The following WDR17 variants were observed in gnomAD, a reference collection of about 807,000 sequenced individuals.
WDR17 encodes WD repeat domain 17.
A neutral mutation model predicts 161.7 loss-of-function variants in WDR17; 143 were observed. The observed-to-expected ratio is 0.88, with a 90% confidence interval of 0.77 to 1.02. The LOEUF (loss-of-function observed/expected upper bound fraction) is 1.02, where lower values mean the gene tolerates loss of function less well. Among genes scored for constraint, WDR17 ranks in the 50% least tolerant of loss-of-function variants. WDR17 has a pLI of 0.00. For synonymous variants in WDR17, 517 were observed against 515.6 expected (o/e 1.00, Z -0.04); for missense variants, 1,469 against 1,520.9 (o/e 0.97, Z 0.57).
At chr4:176,075,270 AT>A (rs1733816785) in intron 1 of WDR17, among the ~76,000 whole-genome samples, 2 of 152,128 alleles carry the variant, frequency 1.3e-5, no homozygotes, top group East Asian at 3.9e-4. Context: ...GACTGAGTCA[AT>A]TTCTAATATT....
intron 2 of WDR17, among the ~76,000 whole-genome samples, chr4:176,111,973 A>T (rs544807253): frequency 2.2e-4 from 33 of 152,324 alleles, no homozygotes; most frequent in African/African-American, 7.5e-4. Context: ...TCATTATAGT[A>T]AAATTAGGAC....
chr4:176,154,754 T>A (rs1395534892), intron 17 of WDR17, among the ~76,000 whole-genome samples: 4 of 152,216 alleles, frequency 2.6e-5, no homozygotes, highest in African/African-American at 9.6e-5. Flanking sequence ...CGTATTATTT[T>A]CTGGTTAATT....
In WDR17 at chr4:176,140,038, T is replaced by A; in HGVS notation, c.1442+64T>A. The A allele has an allele frequency of 3.0e-6, 4 of 1,342,618 alleles. No individual in the cohort carries two copies. In the South Asian group the frequency reaches 5.3e-5, roughly 18 times the overall value. 83.2% of individuals were successfully genotyped at this position (1,342,618 alleles called of 1,614,324 possible). A position where few individuals can be genotyped will look rare whatever the true frequency, so the allele number is the denominator to read the frequency against. The stretch of plus-strand genomic sequence containing the variant: ...GTTTATAAAGCACTCATTTGATCAT[T>A]CCAACTGTGTATCCATGAGATTTCA... On this transcript the variant is annotated intron_variant, in intron 10 of 28. Coordinates refer to ENST00000508596, the MANE Select transcript of WDR17 (RefSeq NM_181265.4).
intron 4 of WDR17, among the ~76,000 whole-genome samples, chr4:176,124,688 C>T (rs1376706270): frequency 6.6e-6 from 1 of 152,182 alleles, no homozygotes; most frequent in Non-Finnish European, 1.5e-5. Flanking sequence ...GGATCGGAAC[C>T]AGGCAGTCAG....
chr4:176,124,682 C>T (rs1742161891), intron 4 of WDR17, among the ~76,000 whole-genome samples: 1 of 152,176 alleles, frequency 6.6e-6, no homozygotes, highest in Non-Finnish European at 1.5e-5. Flanking sequence ...AGAACAGGAT[C>T]GGAACCAGGC....
chr4:176,124,134 A>G (rs989309403), intron 4 of WDR17, among the ~76,000 whole-genome samples: 5 of 152,236 alleles, frequency 3.3e-5, no homozygotes, highest in South Asian at 2.1e-4. Context: ...TTATCTTTCA[A>G]TTGTGCTTTT....
intron 7 of WDR17, among the ~76,000 whole-genome samples, chr4:176,133,580 A>G (rs1161087714): frequency 6.6e-6 from 1 of 151,448 alleles, no homozygotes; most frequent in Non-Finnish European, 1.5e-5. Context: ...TTCTCACTTT[A>G]AAATGTCTGC....
rs201211139 is a variant in WDR17, at chr4:176,120,045, G to A, written c.486G>A (p.Lys162=). 4.1e-4 allele frequency: 662 copies of A among 1,613,934 alleles called. 2 individuals are homozygous for A. Among genetic ancestry groups the A allele is most frequent in the Middle Eastern group, 9.9e-4 (6 of 6,062 alleles). ...TGTTCAGATGGCATACACACCAAAA[G>A]GGGAAAGTTGTGTTTGGTCATATTG... ...ICMFRWHTHQ[K]GKVVFGHIDG... is the part of the protein sequence containing the mutation. The change falls in exon 4 of 29, where the codon AAG becomes AAA. Residue 162 remains lysine (K), a synonymous_variant. Transcript: ENST00000508596.
At chr4:176,164,753 T>C (rs1749520570) in intron 22 of WDR17, among the ~76,000 whole-genome samples, 1 of 152,162 alleles carries the variant, frequency 6.6e-6, no homozygotes, top group Admixed American at 6.5e-5. Context: ...GTTTTAATTT[T>C]TACATATATC....
At chr4:176,151,755 A>G in intron 16 of WDR17, 57 bp from the exon 17 acceptor site, 1 of 1,424,936 alleles carries the variant, frequency 7.0e-7, no homozygotes, top group Non-Finnish European at 9.5e-7. Flanking sequence ...TTATTGTGAC[A>G]CATACAAAAC....
In WDR17 at chr4:176,179,584, A is replaced by T; in HGVS notation, c.*5A>T. 2 of 1,543,396 alleles carry T rather than the reference A, an allele frequency of 1.3e-6. No individual in the cohort carries two copies. The highest frequency in any genetic ancestry group is 1.3e-5 in the South Asian group (1 of 78,082). On this transcript the variant is annotated 3_prime_UTR_variant, in exon 29 of 29. Transcript: ENST00000508596. The stretch of plus-strand genomic sequence containing the variant: ...ATACGACTCAATCCATTCTGATAGA[A>T]GATTTTTGTCCATGCTTGATTTTTT...
intron 1 of WDR17, among the ~76,000 whole-genome samples, chr4:176,102,696 A>G (rs865947646): frequency 6.6e-6 from 1 of 152,222 alleles, no homozygotes; most frequent in Non-Finnish European, 1.5e-5. Flanking sequence ...CATGAAAGGC[A>G]CTAGAAATCT....
chr4:176,178,181 T>C (rs958510562), intron 28 of WDR17, among the ~76,000 whole-genome samples: 1 of 152,096 alleles, frequency 6.6e-6, no homozygotes, highest in South Asian at 2.1e-4. Context: ...ATGAAGTAGC[T>C]GGATACTGAT....
At chr4:176,074,806 A>T (rs980234190) in intron 1 of WDR17, among the ~76,000 whole-genome samples, 7 of 124,816 alleles carry the variant, frequency 5.6e-5, no homozygotes, top group Admixed American at 8.1e-5. Flanking sequence ...GATTTTTTTT[A>T]ATGCTTTTTT....
At chr4:176,176,215 T>G (rs1019320321) in intron 26 of WDR17, among the ~76,000 whole-genome samples, 1 of 152,008 alleles carries the variant, frequency 6.6e-6, no homozygotes, top group Non-Finnish European at 1.5e-5. Context: ...AAAAGAACGG[T>G]TTTTATTTGC....
intron 1 of WDR17, among the ~76,000 whole-genome samples, chr4:176,081,308 A>G (rs1455144318): frequency 6.6e-6 from 1 of 152,112 alleles, no homozygotes; most frequent in Non-Finnish European, 1.5e-5. Flanking sequence ...ATGACTTTCC[A>G]TCATTCTGTC....
At position 176,182,089 on chromosome 4, in the gene WDR17, G is replaced by A. The variant is rs1053951132; in HGVS notation, c.*2510G>A. ...TATTTTTATTAGATTTCATATGCAT[G>A]AAACCCAAGCAAATTATATGAATTT... On this transcript the variant is annotated 3_prime_UTR_variant, in exon 29 of 29. Transcript: ENST00000508596. This position sits in a 1 kb window ranked among gnomAD's most constrained non-coding sequence, Gnocchi z 4.2. 2.0e-5 allele frequency: 3 copies of A among 151,892 alleles called. No homozygotes were observed. The highest frequency in any genetic ancestry group is 4.4e-5 in the Non-Finnish European group (3 of 67,906). The allele number at this position is 151,892 out of a possible 1,614,324, so 9.4% of individuals were successfully genotyped here.
In WDR17 at chr4:176,177,607, A is replaced by G; in HGVS notation, c.3685A>G (p.Ser1229Gly). The change falls in exon 28 of 29, where the codon AGT becomes GGT. Residue 1229 changes from serine to glycine, a missense_variant. Transcript: ENST00000508596. Reference protein sequence around the residue: ...PDYVTGSNLPSHSDIHISCLT... With the variant: ...PDYVTGSNLPGHSDIHISCLT... Reference sequence around the variant, plus strand: ...TTATGTGACTGGATCAAATCTTCCAAGTCATTCTGATATTCACATTTCTTG... The same window carrying G: ...TTATGTGACTGGATCAAATCTTCCAGGTCATTCTGATATTCACATTTCTTG... The G allele has an allele frequency of 2.5e-6, 4 of 1,597,768 alleles. No individual in the cohort carries two copies. The highest frequency in any genetic ancestry group is 3.4e-6 in the Non-Finnish European group (4 of 1,176,036).
At chr4:176,177,746 A>C (rs1751650831) in intron 28 of WDR17, 92 bp downstream of exon 28, 1 of 1,348,636 alleles carries the variant, frequency 7.4e-7, no homozygotes, top group Non-Finnish European at 1.0e-6. Context: ...TTTGGATAAA[A>C]GTAGGTAATT....
Sources: gnomAD v4.1 joint callset for allele counts (sites outside exome capture counted in the v4.1 genomes callset) on GRCh38, gnomAD v4.1.1 for gene constraint, Gnocchi (gnomAD v3.1) non-coding constraint, MANE v1.5 for transcripts, NCBI Gene and HGNC (gene_info 2026-07-23, HGNC 2026-07-21) for gene names.